CACNA1E: variants seen among roughly 807,000 people sequenced by gnomAD.
CACNA1E encodes calcium voltage-gated channel subunit alpha1 E, also known as voltage-dependent R-type calcium channel subunit alpha-1E.
In CACNA1E, 40 loss-of-function variants were observed where a neutral mutation model predicts 259.2. The observed-to-expected ratio is 0.15, with a 90% CI of 0.12 to 0.20. The LOEUF (loss-of-function observed/expected upper bound fraction) is 0.20, where lower values mean the gene tolerates loss of function less well. Ranked by LOEUF, CACNA1E falls within the 10% of genes least tolerant of loss-of-function variation. The probability of loss-of-function intolerance (pLI) is 1.00; values close to 1 mark genes in which losing one functional copy is unlikely to be tolerated. For synonymous variants in CACNA1E, 1,104 were observed against 1,138.5 expected, an observed-to-expected ratio of 0.97 and a Z score of 0.61; for missense variants, 1,874 against 3,040.1, an observed-to-expected ratio of 0.62 and a Z score of 9.02.
At position 181,718,082 on chromosome 1, in the gene CACNA1E, T is replaced by C. The variant is rs1654071180; in HGVS notation, c.1553T>C (p.Leu518Pro). 6.3e-7 allele frequency: 1 copy of C among 1,599,600 alleles called. No individual in the cohort carries two copies. Among genetic ancestry groups the C allele is most frequent in the African/African-American group, 1.3e-5 (1 of 74,666 alleles). The change falls in exon 12 of 48, where the codon CTC (leucine) becomes CCC (proline). Residue 518 changes from leucine to proline, a missense_variant. Leu to Pro is a moderately conservative substitution (Grantham distance 98). Coordinates refer to ENST00000367573, the MANE Select transcript of CACNA1E (RefSeq NM_001205293.3). ...TATGCAGAATTTCTGTTTCTGGGAC[T>C]CTTCCTCTTGGAGATGTCCCTGAAG... ...LYYAEFLFLG[L>P]FLLEMSLKMY...
At chr1:181,398,287 G>A (rs1656837092) in intron 1 of CACNA1E, among the ~76,000 whole-genome samples, 2 of 152,072 alleles carry the variant, frequency 1.3e-5, no homozygotes, top group South Asian at 2.1e-4. Context: ...ACACAAACAA[G>A]GCAAAACAAA....
At chr1:181,323,101 CT>C (rs113574463) in intron 1 of CACNA1E, among the ~76,000 whole-genome samples, 2 of 152,192 alleles carry the variant, frequency 1.3e-5, no homozygotes, top group African/African-American at 4.8e-5. Context: ...CAAAGTAGTT[CT>C]CTGTGCCTTG....
At position 181,682,142 on chromosome 1, in the gene CACNA1E, C is replaced by T. The variant is rs888668796; in HGVS notation, c.1056-28812C>T. 3.9e-5 allele frequency among the ~76,000 whole-genome samples: 6 copies of T among 152,188 alleles called. No homozygotes were observed. The South Asian group carries it at 8.3e-4, about 21-fold the overall frequency. ...GCAGCGTTAATGACTATCCGATTAA[C>T]GATGACCCCATAGTGGGTATAGACC... On this transcript the variant is annotated intron_variant, in intron 7 of 47. Coordinates refer to ENST00000367573, the MANE Select transcript of CACNA1E (RefSeq NM_001205293.3).
intron 3 of CACNA1E, among the ~76,000 whole-genome samples, chr1:181,557,488 T>C (rs1648854400): frequency 6.6e-6 from 1 of 151,468 alleles, no homozygotes; most frequent in Admixed American, 6.6e-5. Context: ...GACAGCTGTG[T>C]GGAGCAGGAG....
In CACNA1E at chr1:181,442,143, G is replaced by A. The variant is rs1383907109; in HGVS notation, c.434+28563G>A. 3.3e-5 allele frequency among the ~76,000 whole-genome samples: 5 copies of A among 151,120 alleles called. No homozygotes were observed. The East Asian group carries it at 9.6e-4, about 29-fold the overall frequency. ...TGGGGAGAGGAGGATTGGGTTTAGGGAGGAAGGGTACAGGTGTGAAGGGCA... is the reference window on the plus strand; with the variant it reads ...TGGGGAGAGGAGGATTGGGTTTAGGAAGGAAGGGTACAGGTGTGAAGGGCA... On this transcript the variant is annotated intron_variant, in intron 2 of 11. Transcript: ENST00000524607.
chr1:181,523,718 C>G (rs1312524928), intron 3 of CACNA1E, among the ~76,000 whole-genome samples: 3 of 152,208 alleles, frequency 2.0e-5, no homozygotes, highest in Non-Finnish European at 4.4e-5. Flanking sequence ...GAGCCTCACA[C>G]TTGAAAGAAT....
intron 22 of CACNA1E, 102 bp downstream of exon 22, chr1:181,736,536 C>T: frequency 9.6e-7 from 1 of 1,038,390 alleles, no homozygotes; most frequent in Non-Finnish European, 1.4e-6. Context: ...GCCCAGCCAT[C>T]TTCTTAAGCC....
intron 1 of CACNA1E, among the ~76,000 whole-genome samples, chr1:181,348,666 A>T (rs559573127): frequency 1.3e-5 from 2 of 152,246 alleles, no homozygotes; most frequent in African/African-American, 4.8e-5. Flanking sequence ...ACTCTCTTCT[A>T]GGAGATCCAA....
intron 7 of CACNA1E, among the ~76,000 whole-genome samples, chr1:181,678,721 A>G (rs1649627246): frequency 6.6e-6 from 1 of 152,064 alleles, no homozygotes; most frequent in African/African-American, 2.4e-5. Context: ...TCTTCATTTA[A>G]TTAGCTGTGT....
intron 2 of CACNA1E, among the ~76,000 whole-genome samples, chr1:181,472,736 C>T (rs570025097): frequency 2.4e-4 from 36 of 152,260 alleles, no homozygotes; most frequent in Non-Finnish European, 4.0e-4. Flanking sequence ...TGTGTGCGCG[C>T]GCACTTGAGG....
rs1662242585 is a variant in CACNA1E, at chr1:181,801,126, A to C, written c.*2292A>C. ...TGCTGCTATGGGCTGCTTTGTGTGC[A>C]CAAAATTGCTTTTTCCACCTCGGAA... On this transcript the variant is annotated 3_prime_UTR_variant, in exon 48 of 48. Transcript: ENST00000367573. 1 of 152,640 alleles carries C rather than the reference A, an allele frequency of 6.6e-6. No homozygotes were observed. The highest frequency in any genetic ancestry group is 3.2e-3 in the Middle Eastern group (1 of 316). 9.5% of individuals were successfully genotyped at this position (152,640 alleles called of 1,614,324 possible). A position where few individuals can be genotyped will look rare whatever the true frequency, so the allele number is the denominator to read the frequency against.
rs766436031 is a variant in CACNA1E, at chr1:181,483,819, G to T, written c.75G>T (p.Arg25=). The change falls in exon 1 of 48, where the codon CGG becomes CGT. Residue 25 remains arginine (R), a synonymous_variant. Coordinates refer to ENST00000367573, the MANE Select transcript of CACNA1E (RefSeq NM_001205293.3). ...GDGDSDQSRN[R]QGTPVPASGQ... ...GAGACTCGGACCAGAGCAGGAACCGGCAAGGAACCCCCGTGCCGGCCTCGG... is the reference window on the plus strand; with the variant it reads ...GAGACTCGGACCAGAGCAGGAACCGTCAAGGAACCCCCGTGCCGGCCTCGG... The T allele has an allele frequency of 9.4e-5, 152 of 1,613,506 alleles. No individual in the cohort carries two copies. Among genetic ancestry groups the T allele is most frequent in the Non-Finnish European group, 2.8e-5 (33 of 1,179,778 alleles).
At chr1:181,530,628 C>T (rs192636668) in intron 3 of CACNA1E, among the ~76,000 whole-genome samples, 36 of 152,266 alleles carry the variant, frequency 2.4e-4, no homozygotes, top group Admixed American at 1.5e-3. Context: ...GCTTACAGAA[C>T]CATCGAAGAG....
chr1:181,399,040 C>T (rs1017473174), intron 1 of CACNA1E, among the ~76,000 whole-genome samples: 11 of 152,166 alleles, frequency 7.2e-5, no homozygotes, highest in African/African-American at 1.9e-4. Context: ...TCACATGAAC[C>T]TGGGTCCTTC....
chr1:181,585,147 G>A (rs534041375), intron 6 of CACNA1E, among the ~76,000 whole-genome samples: 50 of 152,304 alleles, frequency 3.3e-4, no homozygotes, highest in African/African-American at 1.1e-3. Flanking sequence ...TCCATAGAGG[G>A]ATTGGTAAGT....
chr1:181,755,392 G>C lies in CACNA1E; in HGVS notation c.3984G>C (p.Glu1328Asp), dbSNP rs779159820. The C allele has an allele frequency of 1.9e-6, 3 of 1,613,296 alleles. No individual in the cohort carries two copies. The highest frequency in any genetic ancestry group is 2.5e-6 in the Non-Finnish European group (3 of 1,179,504). ...ACAGTTCCAAGGACACAGAGAAGGA[G>C]TGCATGTAAGTGCCACCAGCGCATT... ...CTDSSKDTEK[E>D]CIGNYVDHEK... Residue 1328 changes from glutamate (E) to aspartate (D), a missense_variant, in exon 28 of 48, where the codon GAG becomes GAC. Around this residue, in one of 14 missense-constraint regions of CACNA1E, gnomAD observed 188 missense variants for 540.6 expected, o/e 0.35. Transcript: ENST00000367573.
intron 7 of CACNA1E, among the ~76,000 whole-genome samples, chr1:181,678,189 A>T (rs1245498177): frequency 6.6e-6 from 1 of 152,116 alleles, no homozygotes; most frequent in East Asian, 1.9e-4. Flanking sequence ...TCTGCCAGCC[A>T]CTCTGAACTG....
chr1:181,683,097 C>T (rs577120865), intron 7 of CACNA1E, among the ~76,000 whole-genome samples: 10 of 152,252 alleles, frequency 6.6e-5, no homozygotes, highest in African/African-American at 1.4e-4. Flanking sequence ...TGGCATATGA[C>T]GTTTTATATT....
intron 2 of CACNA1E, among the ~76,000 whole-genome samples, chr1:181,452,308 C>A (rs1046476820): frequency 2.0e-5 from 3 of 152,168 alleles, no homozygotes; most frequent in African/African-American, 7.2e-5. Flanking sequence ...TCATTTCATT[C>A]TTTTAACAAG....
Sources: allele counts gnomAD v4.1 joint callset (sites outside exome capture counted in the v4.1 genomes callset), GRCh38; gene constraint gnomAD v4.1.1; regional missense constraint gnomAD v4.1.1; transcripts MANE v1.5; gene names NCBI Gene and HGNC (gene_info 2026-07-23, HGNC 2026-07-21).